Variants in CIMAP2 observed in about 807,000 individuals in gnomAD.
CIMAP2 encodes ciliary microtubule associated protein 2.
At chr1:54,829,747 C>T in the CIMAP2 span, among the ~76,000 whole-genome samples, 1 of 152,094 alleles carries the variant, frequency 6.6e-6, no homozygotes, top group Non-Finnish European at 1.5e-5. Context: ...TAACAATATG[C>T]TCTGGTTTCA....
the CIMAP2 span, chr1:54,811,954 C>T: frequency 5.0e-6 from 8 of 1,614,122 alleles, no homozygotes; most frequent in Non-Finnish European, 5.9e-6. Context: ...CTGGCCAGGC[C>T]TTGCCTGCCT....
chr1:54,829,152 T>TCC, the CIMAP2 span, among the ~76,000 whole-genome samples: 1 of 152,216 alleles, frequency 6.6e-6, no homozygotes, highest in East Asian at 1.9e-4. Context: ...AATAAGCATA[T>TCC]ATTGTTTTAT....
At chr1:54,836,196 T>A in the CIMAP2 span, among the ~76,000 whole-genome samples, 37 of 152,014 alleles carry the variant, frequency 2.4e-4, no homozygotes, top group African/African-American at 8.7e-4. Context: ...GGGAAGGCAG[T>A]CGGGAGAGAA....
the CIMAP2 span, chr1:54,811,772 T>TTCCCCCACCCCCC: frequency 4.4e-6 from 2 of 454,868 alleles, no homozygotes; most frequent in South Asian, 1.6e-5. Flanking sequence ...ACAGCCTCCA[T>TTCCCCCACCCCCC]GCCCCCACCC....
At chr1:54,812,008 G>A in the CIMAP2 span, 3,016 of 1,614,076 alleles carry the variant, frequency 1.9e-3, 51 homozygotes, top group African/African-American at 0.036. Flanking sequence ...GGGAAGCTGA[G>A]CTCTCCTGCA....
the CIMAP2 span, among the ~76,000 whole-genome samples, chr1:54,838,866 T>C: frequency 2.0e-5 from 3 of 152,038 alleles, no homozygotes; most frequent in Non-Finnish European, 4.4e-5. Flanking sequence ...TGCCACACCA[T>C]TATTTCTACC....
chr1:54,820,128 TTCTTTCTTTCTC>T, the CIMAP2 span, among the ~76,000 whole-genome samples: 5 of 111,576 alleles, frequency 4.5e-5, no homozygotes, highest in Non-Finnish European at 9.3e-5. Flanking sequence ...CTTTCTTTCT[TTCTTTCTTTCTC>T]TCTTTCTCCC....
the CIMAP2 span, chr1:54,841,796 T>C: frequency 3.8e-5 from 60 of 1,586,518 alleles, no homozygotes; most frequent in Non-Finnish European, 5.1e-5. Context: ...TCTGTCTTTT[T>C]AAAGGGAAAG....
chr1:54,815,166 A>G, the CIMAP2 span: 1 of 1,387,522 alleles, frequency 7.2e-7, no homozygotes, highest in Non-Finnish European at 9.8e-7. Flanking sequence ...TCTTTTCCCC[A>G]AGGGACCTGA....
At chr1:54,814,879 C>T in the CIMAP2 span, 1 of 1,613,286 alleles carries the variant, frequency 6.2e-7, no homozygotes, top group Non-Finnish European at 8.5e-7. Flanking sequence ...CTGCCAGAGC[C>T]TCTCCAGATT....
chr1:54,806,078 C>G, the CIMAP2 span: 3 of 1,487,796 alleles, frequency 2.0e-6, no homozygotes, highest in Non-Finnish European at 2.7e-6. Context: ...GCCCGGGTTG[C>G]CGTGGCAGCA....
At chr1:54,828,742 A>G in the CIMAP2 span, among the ~76,000 whole-genome samples, 180 of 152,318 alleles carry the variant, frequency 1.2e-3, no homozygotes, top group African/African-American at 4.1e-3. Flanking sequence ...TTTGGGATAA[A>G]CTTAATATGG....
the CIMAP2 span, chr1:54,812,098 A>T: frequency 1.2e-6 from 2 of 1,614,026 alleles, no homozygotes; most frequent in Non-Finnish European, 1.7e-6. Context: ...CTTGAGACAT[A>T]TGTGGCACGA....
At chr1:54,818,028 A>T in the CIMAP2 span, among the ~76,000 whole-genome samples, 24 of 152,338 alleles carry the variant, frequency 1.6e-4, no homozygotes, top group Non-Finnish European at 2.5e-4. Context: ...TTTCCCTCTG[A>T]ATTTTGAAGG....
At chr1:54,830,207 CT>C in the CIMAP2 span, among the ~76,000 whole-genome samples, 1 of 151,888 alleles carries the variant, frequency 6.6e-6, no homozygotes, top group Non-Finnish European at 1.5e-5. The surrounding 1 kb of genome is among the most constrained non-coding windows in gnomAD (Gnocchi z 4.1). Context: ...TCCCTCTTTT[CT>C]TTCTTTCTAT....
the CIMAP2 span, among the ~76,000 whole-genome samples, chr1:54,837,622 G>A: frequency 6.6e-6 from 1 of 152,160 alleles, no homozygotes; most frequent in East Asian, 1.9e-4. Context: ...GGCATTCCAG[G>A]TGCCTGCCCA....
chr1:54,836,156 G>A, the CIMAP2 span, among the ~76,000 whole-genome samples: 1 of 151,974 alleles, frequency 6.6e-6, no homozygotes, highest in Non-Finnish European at 1.5e-5. Flanking sequence ...GAGACTGTGT[G>A]GCACCAGGGG....
At chr1:54,840,977 G>A in the CIMAP2 span, among the ~76,000 whole-genome samples, 99 of 152,360 alleles carry the variant, frequency 6.5e-4, no homozygotes, top group African/African-American at 2.2e-3. Flanking sequence ...GATAGAGACA[G>A]GGAGGCTGCC....
At chr1:54,806,921 C>T in the CIMAP2 span, 4 of 1,392,578 alleles carry the variant, frequency 2.9e-6, no homozygotes, top group Non-Finnish European at 4.1e-6. Flanking sequence ...GCCAACTCCC[C>T]CATGCTCCAG....
Sources: gnomAD v4.1 joint callset for allele counts (sites outside exome capture counted in the v4.1 genomes callset) on GRCh38, gnomAD v4.1.1 for gene constraint, Gnocchi (gnomAD v3.1) non-coding constraint, MANE v1.5 for transcripts, NCBI Gene and HGNC (gene_info 2026-07-23, HGNC 2026-07-21) for gene names.